MDGA2: variants seen among roughly 807,000 people sequenced by gnomAD.
MDGA2 encodes MAM domain-containing glycosylphosphatidylinositol anchor protein 2.
In MDGA2, 40 loss-of-function variants were observed where a neutral mutation model predicts 117.8. The ratio of observed to expected loss-of-function variants is 0.34; its 90% confidence interval spans 0.26 to 0.44. The LOEUF (loss-of-function observed/expected upper bound fraction) is 0.44, where lower values mean the gene tolerates loss of function less well. Among genes scored for constraint, MDGA2 ranks in the 20% least tolerant of loss-of-function variants. The pLI is 1.00. For synonymous variants in MDGA2, 452 were observed against 439.0 expected, an observed-to-expected ratio of 1.03 and a Z score of -0.37; for missense variants, 1,123 against 1,250.6, an observed-to-expected ratio of 0.90 and a Z score of 1.54.
At chr14:47,669,240 A>G (rs137947045) in intron 1 of MDGA2, among the ~76,000 whole-genome samples, 1 of 152,340 alleles carries the variant, frequency 6.6e-6, no homozygotes, top group African/African-American at 2.4e-5. Flanking sequence ...AAATATAAGT[A>G]TAAAGAAGCA....
intron 3 of MDGA2, among the ~76,000 whole-genome samples, chr14:47,182,625 CCCA>C (rs1884753201): frequency 1.3e-5 from 2 of 152,154 alleles, no homozygotes; most frequent in African/African-American, 4.8e-5. Context: ...ATTGTTTATA[CCCA>C]GTCTGCAGTA....
intron 8 of MDGA2, among the ~76,000 whole-genome samples, chr14:46,988,699 C>A (rs1886960177): frequency 6.6e-6 from 1 of 152,010 alleles, no homozygotes; most frequent in Non-Finnish European, 1.5e-5. Context: ...TGGAGTAGAG[C>A]TTTAAGGAAT....
intron 6 of MDGA2, among the ~76,000 whole-genome samples, chr14:47,070,851 G>C (rs796624295): frequency 6.6e-6 from 1 of 152,136 alleles, no homozygotes; most frequent in South Asian, 2.1e-4. Context: ...CAGGTGATCC[G>C]CCTGCCTCGG....
intron 8 of MDGA2, among the ~76,000 whole-genome samples, chr14:47,018,112 A>T (rs1330393032): frequency 1.3e-5 from 2 of 151,616 alleles, no homozygotes; most frequent in East Asian, 3.9e-4. Context: ...TATGTTGTGG[A>T]AATATCATAA....
intron 1 of MDGA2, among the ~76,000 whole-genome samples, chr14:47,402,543 A>C (rs2138466017): frequency 6.6e-6 from 1 of 152,264 alleles, no homozygotes; most frequent in East Asian, 1.9e-4. Context: ...TAGCCTACAA[A>C]GCATGTGTAT....
At chr14:47,086,244 T>C (rs994858149) in intron 6 of MDGA2, among the ~76,000 whole-genome samples, 3 of 151,952 alleles carry the variant, frequency 2.0e-5, no homozygotes, top group East Asian at 1.9e-4. Flanking sequence ...GTATATTTGT[T>C]GAGCCAACAA....
At chr14:47,236,857 T>A (rs191385074) in intron 2 of MDGA2, among the ~76,000 whole-genome samples, 2 of 152,188 alleles carry the variant, frequency 1.3e-5, no homozygotes, top group Non-Finnish European at 1.5e-5. Flanking sequence ...AAAGTCTCCA[T>A]GAAAATGCAC....
chr14:47,172,460 G>A (rs544395610), intron 3 of MDGA2, among the ~76,000 whole-genome samples: 40 of 152,070 alleles, frequency 2.6e-4, no homozygotes, highest in African/African-American at 8.2e-4. Flanking sequence ...ACTTCCAGCG[G>A]AACGATCAGA....
chr14:47,220,403 G>A (rs560425445), intron 2 of MDGA2, among the ~76,000 whole-genome samples: 3 of 152,166 alleles, frequency 2.0e-5, no homozygotes, highest in Non-Finnish European at 2.9e-5. Flanking sequence ...CCACATGGCT[G>A]CCCAGGATAA....
At chr14:47,275,453 ATATT>A (rs1888280989) in intron 2 of MDGA2, among the ~76,000 whole-genome samples, 1 of 152,162 alleles carries the variant, frequency 6.6e-6, no homozygotes, top group Non-Finnish European at 1.5e-5. Flanking sequence ...CATTTAAAAA[ATATT>A]TATATTTCTT....
intron 1 of MDGA2, among the ~76,000 whole-genome samples, chr14:47,430,105 C>T (rs1311704603): frequency 1.3e-5 from 2 of 151,318 alleles, no homozygotes; most frequent in East Asian, 1.9e-4. Flanking sequence ...CCTACAGTGC[C>T]TTGTTGACTC....
chr14:47,385,019 TCTAA>T (rs1473666148), intron 1 of MDGA2, among the ~76,000 whole-genome samples: 32 of 152,312 alleles, frequency 2.1e-4, no homozygotes, highest in African/African-American at 7.0e-4. Context: ...GATTTCAAGT[TCTAA>T]CTGTGTTATT....
intron 10 of MDGA2, among the ~76,000 whole-genome samples, chr14:46,894,308 T>G (rs149654638): frequency 3.3e-5 from 5 of 152,258 alleles, no homozygotes; most frequent in African/African-American, 1.2e-4. Flanking sequence ...CAGGCTACTC[T>G]TGTAATCTTA....
intron 1 of MDGA2, among the ~76,000 whole-genome samples, chr14:47,563,204 T>C (rs1203564855): frequency 6.6e-6 from 1 of 152,180 alleles, no homozygotes; most frequent in Non-Finnish European, 1.5e-5. Flanking sequence ...AAGAGGAATG[T>C]ATATTCTGTT....
chr14:47,483,177 C>T (rs943066894), intron 1 of MDGA2, among the ~76,000 whole-genome samples: 4 of 152,004 alleles, frequency 2.6e-5, no homozygotes, highest in Non-Finnish European at 5.9e-5. Flanking sequence ...CTTTTCTTTT[C>T]CACAATTCCA....
chr14:47,070,706 A>C (rs1890250700), intron 6 of MDGA2, among the ~76,000 whole-genome samples: 1 of 152,152 alleles, frequency 6.6e-6, no homozygotes, highest in Admixed American at 6.5e-5. Flanking sequence ...CCTGGGTTCA[A>C]GCAATTCTCC....
intron 1 of MDGA2, among the ~76,000 whole-genome samples, chr14:47,419,210 T>C (rs933364665): frequency 6.6e-6 from 1 of 152,094 alleles, no homozygotes; most frequent in Non-Finnish European, 1.5e-5. Context: ...AAAGGAGGAT[T>C]ATAGACTGAA....
At chr14:47,508,395 ATT>A (rs1028563397) in intron 1 of MDGA2, among the ~76,000 whole-genome samples, 9 of 126,036 alleles carry the variant, frequency 7.1e-5, no homozygotes, top group African/African-American at 2.6e-4. Context: ...ATATATATAT[ATT>A]TGCTACCAGT....
intron 1 of MDGA2, among the ~76,000 whole-genome samples, chr14:47,449,605 A>G (rs1488603105): frequency 6.6e-6 from 1 of 152,186 alleles, no homozygotes; most frequent in Non-Finnish European, 1.5e-5. Context: ...CATTAAAACT[A>G]TAGCTAGAGA....
Sources: allele counts gnomAD v4.1 joint callset (sites outside exome capture counted in the v4.1 genomes callset), GRCh38; gene constraint gnomAD v4.1.1; transcripts MANE v1.5; gene names NCBI Gene and HGNC (gene_info 2026-07-23, HGNC 2026-07-21).